Variants in ULK4 observed in about 807,000 individuals in gnomAD.
The protein encoded by ULK4 is inactive serine/threonine-protein kinase ULK4.
In ULK4, 133 loss-of-function variants were observed where a neutral mutation model predicts 160.6. The observed-to-expected ratio is 0.83, with a 90% CI of 0.72 to 0.96. ULK4 has a LOEUF of 0.96. Ranked by LOEUF, ULK4 falls within the 40% of genes least tolerant of loss-of-function variation. The probability of loss-of-function intolerance (pLI) is 0.00; values close to 1 mark genes in which losing one functional copy is unlikely to be tolerated. For synonymous variants in ULK4, 534 were observed against 539.8 expected, an observed-to-expected ratio of 0.99 and a Z score of 0.15; for missense variants, 1,580 against 1,499.5, an observed-to-expected ratio of 1.05 and a Z score of -0.89.
intron 29 of ULK4, among the ~76,000 whole-genome samples, chr3:41,680,025 T>A (rs551231748): frequency 6.6e-6 from 1 of 152,192 alleles, no homozygotes; most frequent in Non-Finnish European, 1.5e-5. Flanking sequence ...TCAAAGCACA[T>A]CCTTTAAATA....
chr3:41,368,945 T>C (rs1384663825), intron 35 of ULK4, among the ~76,000 whole-genome samples: 1 of 152,206 alleles, frequency 6.6e-6, no homozygotes, highest in African/African-American at 2.4e-5. Context: ...TTTTCATTCA[T>C]TTATACCCGC....
chr3:41,851,732 GAC>G (rs903611191), intron 17 of ULK4, among the ~76,000 whole-genome samples: 3 of 151,968 alleles, frequency 2.0e-5, no homozygotes, highest in African/African-American at 7.3e-5. Context: ...GAATACCTGG[GAC>G]ACATTCAAAG....
intron 18 of ULK4, among the ~76,000 whole-genome samples, chr3:41,819,830 T>C (rs1193501622): frequency 6.6e-6 from 1 of 152,190 alleles, no homozygotes; most frequent in Non-Finnish European, 1.5e-5. Flanking sequence ...TAATTGTAGA[T>C]GATAATACAG....
At chr3:41,711,151 G>A (rs1180312292) in intron 25 of ULK4, among the ~76,000 whole-genome samples, 1 of 152,226 alleles carries the variant, frequency 6.6e-6, no homozygotes, top group Non-Finnish European at 1.5e-5. Flanking sequence ...CACCAATGAT[G>A]CAAGAGAGGC....
At chr3:41,772,567 G>A (rs145696894) in intron 21 of ULK4, among the ~76,000 whole-genome samples, 3,958 of 152,230 alleles carry the variant, frequency 0.026, 76 homozygotes, top group Middle Eastern at 0.048. Flanking sequence ...CTGAAATTGC[G>A]GCAATAATTA....
intron 32 of ULK4, among the ~76,000 whole-genome samples, chr3:41,473,639 G>A (rs1394902487): frequency 7.4e-6 from 1 of 134,246 alleles, no homozygotes; most frequent in African/African-American, 2.9e-5. Flanking sequence ...TCCAGGCTGG[G>A]CAACAGAATG....
intron 35 of ULK4, among the ~76,000 whole-genome samples, chr3:41,351,684 C>G (rs1371743878): frequency 6.6e-6 from 1 of 152,204 alleles, no homozygotes; most frequent in Non-Finnish European, 1.5e-5. Context: ...AAGTTTCTGC[C>G]TTTCCAAATG....
intron 8 of ULK4, among the ~76,000 whole-genome samples, chr3:41,915,205 G>A (rs1297856501): frequency 2.0e-5 from 3 of 152,118 alleles, no homozygotes; most frequent in African/African-American, 7.2e-5. Context: ...CACTAATGTT[G>A]AAAGCATTCT....
chr3:41,771,574 G>C (rs894848958), intron 21 of ULK4, among the ~76,000 whole-genome samples: 5 of 152,064 alleles, frequency 3.3e-5, no homozygotes, highest in East Asian at 1.9e-4. Context: ...ATGAATATCT[G>C]TGAGATGTTA....
chr3:41,852,031 G>T (rs1259121247), intron 17 of ULK4, among the ~76,000 whole-genome samples: 1 of 151,858 alleles, frequency 6.6e-6, no homozygotes, highest in South Asian at 2.1e-4. Context: ...TCAAATAAAC[G>T]CAATAAAAAA....
Position 41,306,494 on chromosome 3 carries a change from C to G in ULK4, c.3679-56920G>C, listed in dbSNP as rs1353450699. ...GAGGTGGGGGGGTCAGCCCCCCGCC[C>G]GGCCAGCCGCCCCATCCGGGAGGGA... On this transcript the variant is annotated intron_variant, in intron 35 of 36. Coordinates refer to ENST00000301831, the MANE Select transcript of ULK4 (RefSeq NM_017886.4). 2.7e-3 allele frequency among the ~76,000 whole-genome samples: 394 copies of G among 145,840 alleles called. 3 individuals carry two copies. The highest frequency in any genetic ancestry group is 9.4e-3 in the African/African-American group (368 of 39,358).
At chr3:41,734,778 T>A (rs954017557) in intron 22 of ULK4, among the ~76,000 whole-genome samples, 3 of 152,194 alleles carry the variant, frequency 2.0e-5, no homozygotes, top group African/African-American at 7.2e-5. Flanking sequence ...GAAAGTCACA[T>A]TAGCCCTAAA....
At position 41,665,963 on chromosome 3, in the gene ULK4, G is replaced by A. The variant is rs563053112; in HGVS notation, c.2979-2264C>T. The stretch of plus-strand genomic sequence containing the variant: ...TGGTTTATTACAGTGAAAGGATGCA[G>A]ATTAAAATCAGCAAAGAGAAGAGAC... On this transcript the variant is annotated intron_variant, in intron 29 of 36. Coordinates refer to ENST00000301831, the MANE Select transcript of ULK4 (RefSeq NM_017886.4). Among the ~76,000 whole-genome samples the A allele has an allele frequency of 3.7e-4, 57 of 152,324 alleles. 2 individuals carry two copies. In the South Asian group the frequency reaches 0.011, roughly 29 times the overall value.
intron 22 of ULK4, among the ~76,000 whole-genome samples, chr3:41,746,283 A>AC (rs2038418565): frequency 2.0e-5 from 3 of 148,510 alleles, no homozygotes; most frequent in African/African-American, 5.0e-5. Context: ...AAAAAAAAAA[A>AC]AAAAAAAAAA....
chr3:41,825,351 A>T (rs1253265568), intron 18 of ULK4, among the ~76,000 whole-genome samples: 1 of 152,224 alleles, frequency 6.6e-6, no homozygotes, highest in Non-Finnish European at 1.5e-5. Context: ...GCTTCAGATG[A>T]TCAAACTACT....
intron 2 of ULK4, among the ~76,000 whole-genome samples, chr3:41,941,230 G>T (rs1350913675): frequency 6.8e-6 from 1 of 147,342 alleles, no homozygotes; most frequent in Non-Finnish European, 1.5e-5. Flanking sequence ...TAGAGACAAG[G>T]TCTCACTTTG....
intron 18 of ULK4, among the ~76,000 whole-genome samples, chr3:41,835,059 A>T (rs1371443626): frequency 2.0e-5 from 3 of 152,170 alleles, no homozygotes; most frequent in Non-Finnish European, 4.4e-5. Flanking sequence ...GAAGACTCAA[A>T]ATCATAACAA....
At chr3:41,322,456 T>C (rs1020504670) in intron 35 of ULK4, among the ~76,000 whole-genome samples, 1 of 152,146 alleles carries the variant, frequency 6.6e-6, no homozygotes, top group African/African-American at 2.4e-5. Flanking sequence ...TAGACCCGTA[T>C]GGATTCGCTG....
intron 17 of ULK4, among the ~76,000 whole-genome samples, chr3:41,861,305 T>C (rs1431738104): frequency 6.6e-6 from 1 of 152,226 alleles, no homozygotes; most frequent in African/African-American, 2.4e-5. Context: ...AAGTATTCCC[T>C]TTAGCATATC....
Sources: gnomAD v4.1 joint callset for allele counts (sites outside exome capture counted in the v4.1 genomes callset) on GRCh38, gnomAD v4.1.1 for gene constraint, MANE v1.5 for transcripts, NCBI Gene and HGNC (gene_info 2026-07-23, HGNC 2026-07-21) for gene names.